Variants in RNF216 observed in about 807,000 individuals in gnomAD.
RNF216 encodes E3 ubiquitin-protein ligase RNF216.
RNF216 carries 72 observed loss-of-function variants against 110.8 expected under a neutral mutation model. The observed-to-expected ratio is 0.65, with a 90% CI of 0.54 to 0.79. RNF216 has a LOEUF of 0.79. Ranked by LOEUF, RNF216 falls within the 30% of genes least tolerant of loss-of-function variation. RNF216 has a pLI of 0.00. For synonymous variants in RNF216, 495 were observed against 407.5 expected (o/e 1.21, Z -2.59); for missense variants, 1,342 against 1,141.2 (o/e 1.18, Z -2.54).
chr7:5,645,156 C>G (rs977265795), intron 14 of RNF216, among the ~76,000 whole-genome samples: 2 of 152,088 alleles, frequency 1.3e-5, no homozygotes. Flanking sequence ...TTACTGCTTT[C>G]AAGATTTTCT....
At chr7:5,657,490 C>G (rs575881031) in intron 13 of RNF216, among the ~76,000 whole-genome samples, 1 of 152,234 alleles carries the variant, frequency 6.6e-6, no homozygotes, top group East Asian at 1.9e-4. Flanking sequence ...TAGCTTGAAC[C>G]CAGGAGGTAG....
intron 3 of RNF216, among the ~76,000 whole-genome samples, chr7:5,742,632 A>G (rs57712206): frequency 0.087 from 9,358 of 107,844 alleles, 1,118 homozygotes; most frequent in African/African-American, 0.29. Context: ...GTCTCGCTCT[A>G]TTGCCCAGGC....
At position 5,688,544 on chromosome 7, in the gene RNF216, A is replaced by G. The variant is rs1196858350; in HGVS notation, c.2061+23217T>C. Among the ~76,000 whole-genome samples the G allele has an allele frequency of 3.9e-5, 6 of 152,226 alleles. No homozygotes were observed. The South Asian group carries it at 1.2e-3, about 31-fold the overall frequency. ...CCCTCTTGTCAAGCCTTCCTGTAGC[A>G]GTTTGTGTTTCATGCTTAGGTTTTG... is the stretch of plus-strand genomic sequence containing the variant. On this transcript the variant is annotated intron_variant, in intron 13 of 16. Coordinates refer to ENST00000389902, the MANE Select transcript of RNF216 (RefSeq NM_207111.4).
intron 14 of RNF216, among the ~76,000 whole-genome samples, chr7:5,648,382 C>T (rs1788177439): frequency 1.3e-5 from 2 of 151,574 alleles, no homozygotes; most frequent in South Asian, 2.1e-4. Flanking sequence ...GCTGGGGTTA[C>T]AGGCGTGAGC....
chr7:5,710,650 T>G (rs1431757677), intron 13 of RNF216, among the ~76,000 whole-genome samples: 1 of 152,238 alleles, frequency 6.6e-6, no homozygotes, highest in Non-Finnish European at 1.5e-5. Context: ...CTACTCAGCT[T>G]ATGAGCCTCC....
chr7:5,778,415 C>T (rs1011524983), intron 1 of RNF216, among the ~76,000 whole-genome samples: 2 of 152,312 alleles, frequency 1.3e-5, no homozygotes, highest in African/African-American at 2.4e-5. Context: ...AATCACACAA[C>T]GTACCTCATT....
At position 5,652,416 on chromosome 7, in the gene RNF216, G is replaced by C. The variant is rs28642169; in HGVS notation, c.2156C>G (p.Ser719Cys). 2 of 1,605,458 alleles carry C rather than the reference G, an allele frequency of 1.2e-6. No individual in the cohort carries two copies. Among genetic ancestry groups the C allele is most frequent in the East Asian group, 4.5e-5 (2 of 44,832 alleles). ...AEKDDIKYRTSIEEKMTAARI... is the reference protein window; with the variant it reads ...AEKDDIKYRTCIEEKMTAARI... The stretch of plus-strand genomic sequence containing the variant: ...CCCTCTGAATTCTGTTACTCACATA[G>C]AGGTACGGTACTTGATGTCGTCTTT... Residue 719 changes from serine (S) to cysteine (C), a missense_variant, in exon 14 of 17, where the codon TCT becomes TGT. Transcript: ENST00000389902.
intron 2 of RNF216, among the ~76,000 whole-genome samples, chr7:5,757,854 AT>A (rs2128668259): frequency 6.6e-6 from 1 of 152,292 alleles, no homozygotes; most frequent in Non-Finnish European, 1.5e-5. Flanking sequence ...TTGATGCATA[AT>A]AAAAAATTAT....
At chr7:5,670,683 A>G (rs528296898) in intron 13 of RNF216, among the ~76,000 whole-genome samples, 1 of 152,266 alleles carries the variant, frequency 6.6e-6, no homozygotes, top group East Asian at 1.9e-4. Flanking sequence ...TTTGGAAGCA[A>G]AAGTACAGCT....
chr7:5,743,938 G>C (rs932500930), intron 3 of RNF216, among the ~76,000 whole-genome samples: 1 of 152,184 alleles, frequency 6.6e-6, no homozygotes, highest in African/African-American at 2.4e-5. Context: ...CCTCTATAGA[G>C]AAACAACATC....
chr7:5,760,761 T>C (rs562560725), intron 2 of RNF216, among the ~76,000 whole-genome samples: 1 of 152,204 alleles, frequency 6.6e-6, no homozygotes, highest in Non-Finnish European at 1.5e-5. Context: ...GACTGCATAT[T>C]AACAGCGTCT....
At chr7:5,645,781 G>C (rs1229700316) in intron 14 of RNF216, among the ~76,000 whole-genome samples, 1 of 152,084 alleles carries the variant, frequency 6.6e-6, no homozygotes, top group African/African-American at 2.4e-5. Flanking sequence ...AGTAGAGAAA[G>C]GTTTCACCAT....
chr7:5,769,908 G>C (rs975318579), intron 1 of RNF216, among the ~76,000 whole-genome samples: 11 of 42,952 alleles, frequency 2.6e-4, no homozygotes, highest in African/African-American at 6.9e-4. Context: ...TTGGTGGCGA[G>C]TGCTTGTAGC....
At chr7:5,758,791 G>C (rs1188530975) in intron 2 of RNF216, among the ~76,000 whole-genome samples, 1 of 152,146 alleles carries the variant, frequency 6.6e-6, no homozygotes. Context: ...AGGTGGAAGG[G>C]ACTAGACTTG....
intron 14 of RNF216, among the ~76,000 whole-genome samples, chr7:5,645,862 T>C (rs1248328863): frequency 2.6e-5 from 4 of 152,234 alleles, no homozygotes; most frequent in African/African-American, 9.6e-5. Context: ...AGTGCTGGGA[T>C]TACAGGCGTG....
intron 14 of RNF216, among the ~76,000 whole-genome samples, chr7:5,647,993 G>A (rs1038189831): frequency 6.6e-6 from 1 of 152,054 alleles, no homozygotes; most frequent in Admixed American, 6.6e-5. Flanking sequence ...TTCATGGTGG[G>A]CCACCCAGAC....
intron 13 of RNF216, among the ~76,000 whole-genome samples, chr7:5,709,962 C>A (rs1458514160): frequency 1.3e-5 from 2 of 152,126 alleles, no homozygotes; most frequent in African/African-American, 2.4e-5. Context: ...CTATGTTGCT[C>A]AGGCTGGTCT....
At chr7:5,749,342 G>C (rs1375449186) in intron 3 of RNF216, among the ~76,000 whole-genome samples, 5 of 152,044 alleles carry the variant, frequency 3.3e-5, no homozygotes, top group Non-Finnish European at 1.5e-5. Context: ...GTAGAGACGA[G>C]GTTTCACCAT....
intron 15 of RNF216, among the ~76,000 whole-genome samples, chr7:5,629,644 T>G (rs1160036096): frequency 1.3e-5 from 2 of 151,708 alleles, no homozygotes; most frequent in Non-Finnish European, 1.5e-5. Context: ...CTGGCCAATA[T>G]GGTGAAACCT....
Sources: allele counts gnomAD v4.1 joint callset (sites outside exome capture counted in the v4.1 genomes callset), GRCh38; gene constraint gnomAD v4.1.1; transcripts MANE v1.5; gene names NCBI Gene and HGNC (gene_info 2026-07-23, HGNC 2026-07-21).